SLC38A8: variants seen among roughly 807,000 people sequenced by gnomAD.
SLC38A8 encodes the protein solute carrier family 38 member 8, also known as amino acid transporter SLC38A8.
SLC38A8 carries 65 observed loss-of-function variants against 46.0 expected under a neutral mutation model. The ratio of observed to expected loss-of-function variants is 1.41; its 90% CI spans 1.16 to 1.74. SLC38A8 has a LOEUF of 1.74. SLC38A8 is among the 40% of genes most tolerant of loss of function. The pLI is 0.00. For missense variants in SLC38A8, 998 were observed against 567.9 expected (o/e 1.76, Z -7.70); for synonymous variants, 447 against 243.7 (o/e 1.83, Z -7.77).
At chr16:84,039,050 C>T (rs1300805618) in intron 2 of SLC38A8, among the ~76,000 whole-genome samples, 2 of 152,134 alleles carry the variant, frequency 1.3e-5, no homozygotes, top group Non-Finnish European at 2.9e-5. Context: ...CATCTTGGAT[C>T]TGGTGGGCCC....
At chr16:84,022,930 C>T in intron 6 of SLC38A8, 41 bp from the exon 7 acceptor site, 1 of 1,456,640 alleles carries the variant, frequency 6.9e-7, no homozygotes, top group Non-Finnish European at 9.2e-7. Flanking sequence ...CTGGCTTCCC[C>T]TGGAACAGGC....
intron 2 of SLC38A8, among the ~76,000 whole-genome samples, chr16:84,038,802 C>G (rs895596549): frequency 6.6e-6 from 1 of 152,106 alleles, no homozygotes; most frequent in Non-Finnish European, 1.5e-5. Context: ...CCCACTCCAT[C>G]AAGCATGTGT....
intron 5 of SLC38A8, 122 bp downstream of exon 5, chr16:84,031,745 G>T (rs555109902): frequency 5.0e-6 from 4 of 806,186 alleles, no homozygotes; most frequent in Non-Finnish European, 8.1e-6. Context: ...GGAAAGAACT[G>T]GAAGGAAGGA....
intron 7 of SLC38A8, among the ~76,000 whole-genome samples, chr16:84,022,009 G>C (rs2085101593): frequency 6.6e-6 from 1 of 152,156 alleles, no homozygotes; most frequent in Admixed American, 6.5e-5. Flanking sequence ...TCCATGAATA[G>C]ATTAATCCAT....
chr16:84,017,176 A>T lies in SLC38A8; in HGVS notation c.917T>A (p.Ile306Asn), dbSNP rs2085039699. The T allele has an allele frequency of 6.2e-7, 1 of 1,614,134 alleles. No individual in the cohort carries two copies. Among genetic ancestry groups the T allele is most frequent in the South Asian group, 1.1e-5 (1 of 91,078 alleles). ...IVARVLFAVS[I>N]VTVYPIVLFL... ...GAGCACGATGGGGTAGACAGTTACG[A>T]TGGAGACAGCAAAAAGGACCCGGGC... The change falls in exon 8 of 11, where the codon ATC becomes AAC. Residue 306 changes from isoleucine to asparagine, a missense_variant. Ile to Asn is a moderately radical substitution (Grantham distance 149, BLOSUM62 -3). Coordinates refer to ENST00000299709, the MANE Select transcript of SLC38A8 (RefSeq NM_001080442.3).
chr16:84,016,103 C>G (rs1483669543), intron 9 of SLC38A8, among the ~76,000 whole-genome samples: 2 of 140,170 alleles, frequency 1.4e-5, no homozygotes, highest in Non-Finnish European at 3.0e-5. Flanking sequence ...TGGTGGCAGG[C>G]AGGCAAGAGA....
upstream of SLC38A8, among the ~76,000 whole-genome samples, chr16:84,043,145 A>T (rs537285363): frequency 5.3e-5 from 8 of 152,286 alleles, no homozygotes; most frequent in Admixed American, 2.6e-4. Flanking sequence ...GGTGCGTCTC[A>T]GAGCTAATCC....
At position 84,016,646 on chromosome 16, in the gene SLC38A8, C is replaced by T. The variant is rs778600649; in HGVS notation, c.1035G>A (p.Trp345Ter). The T allele has an allele frequency of 1.2e-6, 2 of 1,613,900 alleles. No individual in the cohort carries two copies. The highest frequency in any genetic ancestry group is 2.2e-5 in the East Asian group (1 of 44,888). The change falls in exon 9 of 11, where the codon TGG becomes TGA. Residue 345 changes from tryptophan (W) to a stop codon, truncating the protein, a stop_gained. Transcript: ENST00000299709. LOFTEE classifies it high-confidence loss of function. ...ACAGGATGGTCAGCGGCATCCGGAC[C>T]CACAGCCCTGAGGGGTCGGCCAGGG... ...PSALADPSGLWVRMPLTILWV... is the reference protein window; with the variant it reads ...PSALADPSGL
chr16:84,033,366 CAG>C lies in SLC38A8; in HGVS notation c.490_491del (p.Leu164ValfsTer41), dbSNP rs1597273765. 2 of 1,614,070 alleles carry C rather than the reference CAG, an allele frequency of 1.2e-6. No homozygotes were observed. The highest frequency in any genetic ancestry group is 1.1e-5 in the South Asian group (1 of 91,078). Reference protein sequence around the residue: ...PLLSVLVILPLSAPREIAFQK... With the variant: ...PLLSVLVILPXSAPREIAFQK... ...GGAAGGCGATCTCCCGCGGGGCAGA[CAG>C]GGGCAGGATGACCAGCACGGAGAGC... On this transcript the variant is annotated frameshift_variant, in exon 4 of 11. Transcript: ENST00000299709. LOFTEE classifies it high-confidence loss of function.
At chr16:84,017,078 T>G (rs2085037062) in intron 8 of SLC38A8, 62 bp downstream of exon 8, 1 of 1,594,602 alleles carries the variant, frequency 6.3e-7, no homozygotes, top group South Asian at 1.1e-5. Flanking sequence ...TGGTACATGC[T>G]CAATCACAGC....
rs144853073 is a variant in SLC38A8 at position 84,026,498 on chromosome 16, G to A, written c.690+2996C>T. Among the ~76,000 whole-genome samples, 1,113 of 152,252 alleles carry A rather than the reference G, an allele frequency of 7.3e-3. 15 individuals are homozygous for A. The highest frequency in any genetic ancestry group is 0.025 in the African/African-American group (1,059 of 41,538). On this transcript the variant is annotated intron_variant, in intron 6 of 10. Coordinates refer to ENST00000299709, the MANE Select transcript of SLC38A8 (RefSeq NM_001080442.3). The stretch of plus-strand genomic sequence containing the variant: ...CGCCTCGGCCTCTTAAATTCCTGGG[G>A]TTACAGGCATGAGCCACCGTGCCCA...
At chr16:84,024,383 T>G (rs1224033928) in intron 6 of SLC38A8, among the ~76,000 whole-genome samples, 2 of 152,186 alleles carry the variant, frequency 1.3e-5, no homozygotes, top group African/African-American at 4.8e-5. Context: ...CTTACTACAT[T>G]GCCCAGGCTG....
At chr16:84,018,940 G>A (rs190833089) in intron 7 of SLC38A8, among the ~76,000 whole-genome samples, 77 of 152,158 alleles carry the variant, frequency 5.1e-4, no homozygotes, top group Non-Finnish European at 1.5e-5. Context: ...ATTGCAGCCA[G>A]AAGTCCCGCT....
chr16:84,035,477 A>G (rs765196888), intron 3 of SLC38A8, among the ~76,000 whole-genome samples: 2 of 152,146 alleles, frequency 1.3e-5, no homozygotes, highest in Admixed American at 6.5e-5. Flanking sequence ...AAACATTCCA[A>G]TCGGAAGTCT....
chr16:84,040,418 G>T (rs1172751102), intron 2 of SLC38A8, among the ~76,000 whole-genome samples: 1 of 152,188 alleles, frequency 6.6e-6, no homozygotes, highest in African/African-American at 2.4e-5. Flanking sequence ...TCACAAATGT[G>T]GTCTCAGGCC....
chr16:84,038,433 C>T (rs946575258), intron 2 of SLC38A8, among the ~76,000 whole-genome samples: 2 of 152,194 alleles, frequency 1.3e-5, no homozygotes, highest in Admixed American at 6.5e-5. Flanking sequence ...TCTACCCTTC[C>T]ACCCATGCCT....
In SLC38A8 at chr16:84,009,746, C is replaced by G. The variant is rs200101292; in HGVS notation, c.*38G>C. 9 of 1,587,676 alleles carry G rather than the reference C, an allele frequency of 5.7e-6. No individual in the cohort carries two copies. The highest frequency in any genetic ancestry group is 6.9e-6 in the Non-Finnish European group (8 of 1,162,348). The stretch of plus-strand genomic sequence containing the variant: ...CATACAGCAGCCACGTAGGGTCAGC[C>G]CCCGGAGGGCCCCTTCCTGCCCGGC... On this transcript the variant is annotated 3_prime_UTR_variant, in exon 11 of 11. Transcript: ENST00000299709.
chr16:84,041,993 C>T lies in SLC38A8; in HGVS notation c.165G>A (p.Val55=). 6.2e-7 allele frequency: 1 copy of T among 1,605,518 alleles called. No individual in the cohort carries two copies. The highest frequency in any genetic ancestry group is 8.5e-7 in the Non-Finnish European group (1 of 1,175,350). ...CCAGCTCCACCAGGAAGGCAGGGAC[C>T]ACTCCGCCCGCTTTGGAGAAGGCCC... is the stretch of plus-strand genomic sequence containing the variant. ...FPWAFSKAGG[V]VPAFLVELVS... Residue 55 remains valine, a synonymous_variant, in exon 2 of 11, where the codon GTG becomes GTA. Coordinates refer to ENST00000299709, the MANE Select transcript of SLC38A8 (RefSeq NM_001080442.3).
In SLC38A8 at chr16:84,036,883, C is replaced by G. The variant is rs764425044; in HGVS notation, c.207G>C (p.Leu69=). The change falls in exon 3 of 11, where the codon CTG becomes CTC. Residue 69 remains leucine, a synonymous_variant. Coordinates refer to ENST00000299709, the MANE Select transcript of SLC38A8 (RefSeq NM_001080442.3). ...AGCCCAGGATGACCAGCCCGCTGATCAGGAAGACCAACGAGACCTGCGGAG... is the reference window on the plus strand; with the variant it reads ...AGCCCAGGATGACCAGCCCGCTGATGAGGAAGACCAACGAGACCTGCGGAG... The part of the protein sequence containing the change: ...FLVELVSLVF[L]ISGLVILGYA... 1.4e-5 allele frequency: 22 copies of G among 1,612,310 alleles called. No individual in the cohort carries two copies. The highest frequency in any genetic ancestry group is 2.7e-5 in the African/African-American group (2 of 74,898).
Sources: gnomAD v4.1 joint callset for allele counts (sites outside exome capture counted in the v4.1 genomes callset) on GRCh38, gnomAD v4.1.1 for gene constraint, MANE v1.5 for transcripts, NCBI Gene and HGNC (gene_info 2026-07-23, HGNC 2026-07-21) for gene names.